The following MAST4 variants were observed in gnomAD, a reference collection of about 807,000 sequenced individuals.
MAST4 encodes microtubule-associated serine/threonine-protein kinase 4.
A neutral mutation model predicts 162.7 loss-of-function variants in MAST4; 89 were observed. That is an observed-to-expected ratio of 0.55 (90% CI 0.46 to 0.65). MAST4 has a LOEUF of 0.65. Among genes scored for constraint, MAST4 ranks in the 30% least tolerant of loss-of-function variants. The pLI, the probability that MAST4 is intolerant of heterozygous loss-of-function variation, is 0.00. For synonymous variants in MAST4, 1,479 were observed against 1,361.1 expected (o/e 1.09, Z -1.91); for missense variants, 3,153 against 3,374.0 (o/e 0.93, Z 1.62).
At chr5:66,984,176 A>C (rs1210246903) in intron 4 of MAST4, among the ~76,000 whole-genome samples, 3 of 152,216 alleles carry the variant, frequency 2.0e-5, no homozygotes, top group Non-Finnish European at 4.4e-5. Context: ...GCTGCAGAGA[A>C]GTAAAACAGG....
chr5:67,130,998 A>T (rs1768901466), intron 15 of MAST4, among the ~76,000 whole-genome samples: 1 of 152,192 alleles, frequency 6.6e-6, no homozygotes, highest in African/African-American at 2.4e-5. Flanking sequence ...AGTTAATAAG[A>T]TGAATAGATC....
At chr5:66,788,607 C>CCCAACAAAAAA in intron 2 of MAST4, 63 bp from the exon 3 acceptor site, 6 of 1,373,708 alleles carry the variant, frequency 4.4e-6, no homozygotes, top group Non-Finnish European at 5.1e-6. Context: ...CCCCCACCCC[C>CCCAACAAAAAA]ATTGCAATAA....
At chr5:67,115,589 G>A (rs1040233675) in intron 12 of MAST4, among the ~76,000 whole-genome samples, 1 of 152,144 alleles carries the variant, frequency 6.6e-6, no homozygotes, top group African/African-American at 2.4e-5. Flanking sequence ...AAGTTCCCTG[G>A]GGAGAGATTT....
At chr5:66,694,420 T>C (rs530626966) in intron 1 of MAST4, among the ~76,000 whole-genome samples, 1 of 152,346 alleles carries the variant, frequency 6.6e-6, no homozygotes, top group South Asian at 2.1e-4. Flanking sequence ...GCTACTGTTC[T>C]TTCTCCTTTA....
chr5:66,953,883 G>A (rs1345615261), intron 4 of MAST4, among the ~76,000 whole-genome samples: 1 of 152,178 alleles, frequency 6.6e-6, no homozygotes, highest in East Asian at 1.9e-4. Flanking sequence ...TATGCCAATA[G>A]CAGCAACCCC....
intron 4 of MAST4, among the ~76,000 whole-genome samples, chr5:66,960,312 C>T (rs1745851900): frequency 6.6e-6 from 1 of 152,224 alleles, no homozygotes; most frequent in South Asian, 2.1e-4. Context: ...GAAGTGAATA[C>T]TTTTCTAATC....
intron 1 of MAST4, among the ~76,000 whole-genome samples, chr5:66,679,353 C>T (rs1400548317): frequency 1.3e-5 from 2 of 152,126 alleles, no homozygotes. Context: ...TAAGTGGGGA[C>T]AACTCCTCAG....
chr5:67,136,592 G>A lies in MAST4; in HGVS notation c.2422G>A (p.Ala808Thr), dbSNP rs762199952. Residue 808 changes from alanine to threonine, a missense_variant, in exon 19 of 29, where the codon GCA becomes ACA. Around this residue, in one of 7 missense-constraint regions of MAST4, gnomAD observed 62 missense variants for 63.1 expected, o/e 0.98. Coordinates refer to ENST00000403625, the MANE Select transcript of MAST4 (RefSeq NM_001164664.2). ...GATCAACTGGCCTGAGAAGGATGAG[G>A]CACCCCCACCTGATGCCCAGGATCT... The part of the protein sequence containing the change: ...DEINWPEKDE[A>T]PPPDAQDLIT... 6.2e-6 allele frequency: 10 copies of A among 1,606,298 alleles called. No individual in the cohort carries two copies. In the South Asian group the frequency reaches 6.7e-5, roughly 11 times the overall value.
chr5:66,662,439 A>G (rs116425948), intron 1 of MAST4: 1 of 152,182 alleles, frequency 6.6e-6, no homozygotes, highest in South Asian at 2.1e-4. Flanking sequence ...CATTTCCATC[A>G]TGTAAAGTAC....
chr5:66,854,462 A>G (rs1214447732), intron 3 of MAST4, among the ~76,000 whole-genome samples: 3 of 152,160 alleles, frequency 2.0e-5, no homozygotes, highest in African/African-American at 7.2e-5. Context: ...CAAGGCTAAT[A>G]TCAAGGTATC....
chr5:67,140,537 A>G (rs781421335), intron 19 of MAST4, among the ~76,000 whole-genome samples: 10 of 152,200 alleles, frequency 6.6e-5, no homozygotes, highest in Non-Finnish European at 1.3e-4. Context: ...TGGAGTAGGA[A>G]CAAATTAAAG....
At chr5:66,895,111 G>A (rs1762598276) in intron 3 of MAST4, among the ~76,000 whole-genome samples, 2 of 152,102 alleles carry the variant, frequency 1.3e-5, no homozygotes, top group African/African-American at 2.4e-5. Context: ...ACTTTCTGAC[G>A]TCGTCTGCCC....
Position 66,764,709 on chromosome 5 carries a change from T to C in MAST4, c.517+4847T>C, listed in dbSNP as rs145578326. 2.2e-4 allele frequency among the ~76,000 whole-genome samples: 33 copies of C among 152,318 alleles called. No homozygotes were observed. The East Asian group carries it at 6.2e-3, about 28-fold the overall frequency. Reference sequence around the variant, plus strand: ...AGAAGAAAATGTTTTTGTACAGCTCTGCAATGTGTTTGTATTTTAAGCTAA... The same window carrying C: ...AGAAGAAAATGTTTTTGTACAGCTCCGCAATGTGTTTGTATTTTAAGCTAA... On this transcript the variant is annotated intron_variant, in intron 2 of 28. Coordinates refer to ENST00000403625, the MANE Select transcript of MAST4 (RefSeq NM_001164664.2).
rs943328829 is a variant in MAST4 at position 67,054,419 on chromosome 5, C to A, written c.690C>A (p.Asn230Lys). Residue 230 changes from asparagine (N) to lysine (K), a missense_variant, in exon 5 of 29, where the codon AAC (asparagine) becomes AAA (lysine). Physicochemically the swap from Asn to Lys is moderately conservative, Grantham distance 94. Transcript: ENST00000403625. ...TTTTTGATAGTTGCCGAACAAGCAA[C>A]CGGAAAAGCTTAATAGGCAATGGGC... The part of the protein sequence containing the change: ...PRRGSFCRTS[N>K]RKSLIGNGQS... The A allele has an allele frequency of 1.9e-6, 3 of 1,606,508 alleles. No homozygotes were observed. The highest frequency in any genetic ancestry group is 8.5e-7 in the Non-Finnish European group (1 of 1,176,756).
chr5:66,877,220 TA>T (rs1416319687), intron 3 of MAST4, among the ~76,000 whole-genome samples: 1 of 152,152 alleles, frequency 6.6e-6, no homozygotes, highest in African/African-American at 2.4e-5. Flanking sequence ...AAGGGAGGCT[TA>T]AATGCTTGAG....
chr5:66,761,462 G>A (rs1033974857), intron 2 of MAST4, among the ~76,000 whole-genome samples: 1 of 151,894 alleles, frequency 6.6e-6, no homozygotes, highest in South Asian at 2.1e-4. Context: ...ATATTTTCAC[G>A]GAACTTTGTT....
rs769878642 is a variant in MAST4, at chr5:67,045,269, C to T, written c.675-9135C>T. 3.4e-4 allele frequency among the ~76,000 whole-genome samples: 52 copies of T among 152,166 alleles called. 1 individual carries two copies. The highest frequency in any genetic ancestry group is 1.7e-3 in the Admixed American group (26 of 15,278). ...TAGCCCACTCCTAGGTTGTAAGCTTCGTGTACAATTCGAAGTTATGTTGTG... is the reference window on the plus strand; with the variant it reads ...TAGCCCACTCCTAGGTTGTAAGCTTTGTGTACAATTCGAAGTTATGTTGTG... On this transcript the variant is annotated intron_variant, in intron 4 of 28. Transcript: ENST00000403625.
chr5:67,125,265 ATTATAC>A (rs1768082981), intron 14 of MAST4, among the ~76,000 whole-genome samples: 1 of 130,772 alleles, frequency 7.6e-6, no homozygotes, highest in Non-Finnish European at 1.7e-5. Flanking sequence ...TTTTTTTGTT[ATTATAC>A]TTTTAAGTTC....
At chr5:66,926,628 ATATATGTATATATATGTG>A (rs1764921970) in intron 4 of MAST4, among the ~76,000 whole-genome samples, 2 of 151,926 alleles carry the variant, frequency 1.3e-5, no homozygotes, top group East Asian at 1.9e-4. Flanking sequence ...ATATGTGTGT[ATATATGTATATATATGTG>A]TATATGTATA....
Sources: allele counts gnomAD v4.1 joint callset (sites outside exome capture counted in the v4.1 genomes callset), GRCh38; gene constraint gnomAD v4.1.1; regional missense constraint gnomAD v4.1.1; transcripts MANE v1.5; gene names NCBI Gene and HGNC (gene_info 2026-07-23, HGNC 2026-07-21).